The following NOS1 variants were observed in gnomAD, a reference collection of about 807,000 sequenced individuals.
NOS1 encodes the protein NOS type I.
In NOS1, 51 loss-of-function variants were observed where a neutral mutation model predicts 164.5. The observed-to-expected ratio is 0.31, with a 90% CI of 0.25 to 0.39. The LOEUF (loss-of-function observed/expected upper bound fraction) is 0.39, where lower values mean the gene tolerates loss of function less well. NOS1 is among the 10% of genes least tolerant of loss of function. NOS1 has a pLI of 1.00. For synonymous variants in NOS1, 719 were observed against 745.8 expected (o/e 0.96, Z 0.59); for missense variants, 1,362 against 1,885.6 (o/e 0.72, Z 5.14).
chr12:117,277,067 C>T (rs1398636216), intron 9 of NOS1, among the ~76,000 whole-genome samples: 5 of 152,148 alleles, frequency 3.3e-5, no homozygotes, highest in Non-Finnish European at 5.9e-5. Context: ...CCAAACTCTT[C>T]TCCATAGTGG....
chr12:117,226,737 G>A lies in NOS1; in HGVS notation c.3650C>T (p.Ser1217Phe). 6.2e-7 allele frequency: 1 copy of A among 1,613,972 alleles called. No homozygotes were observed. The highest frequency in any genetic ancestry group is 8.5e-7 in the Non-Finnish European group (1 of 1,179,950). ...AGCCTGTATCCGGTTGAGCCAGGAG[G>A]AGCATACGCCGTGGTGAATTGGTCC... Reference protein sequence around the residue: ...GEGPIHHGVCSSWLNRIQADE... With the variant: ...GEGPIHHGVCFSWLNRIQADE... Residue 1217 changes from serine (S) to phenylalanine (F), a missense_variant, in exon 24 of 29, where the codon TCC becomes TTC. Coordinates refer to ENST00000317775, the MANE Select transcript of NOS1 (RefSeq NM_000620.5).
In NOS1 at chr12:117,286,206, A is replaced by G; in HGVS notation, c.1188T>C (p.Thr396=). 7 of 1,614,178 alleles carry G rather than the reference A, an allele frequency of 4.3e-6. No homozygotes were observed. Among genetic ancestry groups the G allele is most frequent in the Non-Finnish European group, 5.9e-6 (7 of 1,180,038 alleles). The change falls in exon 6 of 29, where the codon ACT becomes ACC. Residue 396 remains threonine (T), a synonymous_variant. Transcript: ENST00000317775. Reference sequence around the variant, plus strand: ...CTGTGTCCTTGAGCTGGTAAGTGCTAGTGGTGTCGATCTCTTTGTTCACCT... The same window carrying G: ...CTGTGTCCTTGAGCTGGTAAGTGCTGGTGGTGTCGATCTCTTTGTTCACCT... ...LEEVNKEIDT[T]STYQLKDTEL... is the part of the protein sequence containing the mutation.
chr12:117,209,782 C>A lies in NOS1; in HGVS notation c.*5527G>T. 1.0e-6 allele frequency: 1 copy of A among 985,468 alleles called. No homozygotes were observed. Among genetic ancestry groups the A allele is most frequent in the East Asian group, 1.1e-4 (1 of 8,812 alleles). The allele number at this position is 985,468 out of a possible 1,614,324, so 61.0% of individuals were successfully genotyped here. A position where few individuals can be genotyped will look rare whatever the true frequency, so the allele number is the denominator to read the frequency against. On this transcript the variant is annotated 3_prime_UTR_variant, in exon 29 of 29. Transcript: ENST00000317775. ...AAGGGCAGCTTTTCTTTTGGGGCCC[C>A]TTTGCCACAAGGCAGGGACTGGCAG...
At chr12:117,222,903 G>T (rs1471653412) in intron 25 of NOS1, 40 bp from the exon 26 acceptor site, 1 of 1,600,364 alleles carries the variant, frequency 6.2e-7, no homozygotes, top group Non-Finnish European at 8.5e-7. Flanking sequence ...ATGGCTCTCT[G>T]CCTGATGTGC....
At chr12:117,241,638 T>C (rs1870186632) in intron 20 of NOS1, among the ~76,000 whole-genome samples, 1 of 152,064 alleles carries the variant, frequency 6.6e-6, no homozygotes, top group Admixed American at 6.5e-5. Context: ...GCAAAGACTT[T>C]CATTAGTGCT....
At chr12:117,338,173 C>T (rs1263916621) in intron 1 of NOS1, among the ~76,000 whole-genome samples, 1 of 151,914 alleles carries the variant, frequency 6.6e-6, no homozygotes, top group Non-Finnish European at 1.5e-5. Context: ...GGCGAGATTG[C>T]GCCACTGCAC....
chr12:117,328,701 A>T (rs1875380221), intron 2 of NOS1, among the ~76,000 whole-genome samples: 1 of 152,212 alleles, frequency 6.6e-6, no homozygotes, highest in Non-Finnish European at 1.5e-5. Context: ...AGTAGCTGCG[A>T]CTACAGGCAT....
At chr12:117,231,084 T>A (rs1341354963) in intron 22 of NOS1, among the ~76,000 whole-genome samples, 2 of 152,052 alleles carry the variant, frequency 1.3e-5, no homozygotes, top group African/African-American at 4.8e-5. Flanking sequence ...CCCAGCACTT[T>A]TGGGAGGCCG....
At chr12:117,247,323 T>A (rs146605979) in intron 18 of NOS1, 25 bp downstream of exon 18, 44 of 1,559,176 alleles carry the variant, frequency 2.8e-5, no homozygotes, top group Middle Eastern at 1.7e-4. Context: ...TACTTTTTCC[T>A]GTAGGTCCAT....
rs772161784 is a variant in NOS1, at chr12:117,208,434, C to G, written c.*6875G>C. ...TGTGTGTGTGTGTGGTGAGATGCGA[C>G]CAGGTCTGCCCACCTCCCCAGCTTC... is the stretch of plus-strand genomic sequence containing the variant. On this transcript the variant is annotated 3_prime_UTR_variant, in exon 29 of 29. Transcript: ENST00000317775. 805 of 990,358 alleles carry G rather than the reference C, an allele frequency of 8.1e-4. 1 individual carries two copies. The highest frequency in any genetic ancestry group is 6.1e-4 in the Non-Finnish European group (504 of 826,408). The allele number at this position is 990,358 out of a possible 1,614,324, so 61.3% of individuals were successfully genotyped here. A position where few individuals can be genotyped will look rare whatever the true frequency, so the allele number is the denominator to read the frequency against.
rs200052895 is a variant in NOS1, at chr12:117,353,283, TTATC to T, written c.-421+8225_-421+8228del. ...ACCTACCTATTCTATCCTCTAGCTA[TTATC>T]TATCTATCTGTCTATCTATCATCTA... On this transcript the variant is annotated intron_variant, in intron 1 of 28. Transcript: ENST00000317775. Among the ~76,000 whole-genome samples, 646 of 152,148 alleles carry T rather than the reference TTATC, an allele frequency of 4.2e-3. 3 individuals carry two copies. The highest frequency in any genetic ancestry group is 9.0e-3 in the African/African-American group (374 of 41,432).
intron 2 of NOS1, among the ~76,000 whole-genome samples, chr12:117,328,389 G>A (rs953136272): frequency 2.6e-5 from 4 of 152,032 alleles, no homozygotes; most frequent in South Asian, 2.1e-4. Flanking sequence ...GGTTGGTTTC[G>A]AACTCCTGAC....
intron 3 of NOS1, among the ~76,000 whole-genome samples, chr12:117,311,026 A>G (rs968214109): frequency 1.3e-5 from 2 of 151,928 alleles, no homozygotes; most frequent in African/African-American, 4.8e-5. Flanking sequence ...CCACCATGCC[A>G]GGCTAATTTT....
At chr12:117,232,243 C>T in intron 21 of NOS1, 112 bp from the exon 22 acceptor site, 1 of 893,496 alleles carries the variant, frequency 1.1e-6, no homozygotes, top group South Asian at 1.7e-5. Flanking sequence ...AGGGTGGCTC[C>T]AGAGCCAAGC....
chr12:117,337,826 C>T (rs1875910961), intron 1 of NOS1, among the ~76,000 whole-genome samples: 2 of 152,144 alleles, frequency 1.3e-5, no homozygotes, highest in Admixed American at 6.6e-5. Context: ...GGGCTGTCAT[C>T]CCAGCACATT....
In NOS1 at chr12:117,215,289, G is replaced by A. The variant is rs747158838; in HGVS notation, c.*20C>T. 1.1e-5 allele frequency: 17 copies of A among 1,548,490 alleles called. No homozygotes were observed. The highest frequency in any genetic ancestry group is 7.0e-5 in the East Asian group (3 of 42,572). On this transcript the variant is annotated 3_prime_UTR_variant, in exon 29 of 29. Coordinates refer to ENST00000317775, the MANE Select transcript of NOS1 (RefSeq NM_000620.5). ...GTCCGCGCTTACAAAACTTGCAGCC[G>A]GCTGGGCAAGAGGGTCCAGTTAGGA... is the stretch of plus-strand genomic sequence containing the variant.
intron 23 of NOS1, 29 bp from the exon 24 acceptor site, chr12:117,226,799 C>T (rs1308651751): frequency 6.3e-7 from 1 of 1,581,532 alleles, no homozygotes; most frequent in Non-Finnish European, 8.7e-7. Context: ...CAGTCAGGGC[C>T]ACCCACTGCT....
At position 117,348,902 on chromosome 12, in the gene NOS1, T is replaced by G. The variant is rs144186613; in HGVS notation, c.-421+12610A>C. Among the ~76,000 whole-genome samples, 15 of 152,326 alleles carry G rather than the reference T, an allele frequency of 9.8e-5. No homozygotes were observed. The East Asian group carries it at 2.9e-3, about 29-fold the overall frequency. ...AACAGCACAGTAGCGGAGAAAGTGG[T>G]GCAATTCGAATAGGGTCTGTCGTTT... On this transcript the variant is annotated intron_variant, in intron 1 of 28. Transcript: ENST00000317775.
intron 26 of NOS1, 61 bp downstream of exon 26, chr12:117,222,654 T>C: frequency 6.7e-7 from 1 of 1,502,978 alleles, no homozygotes; most frequent in Non-Finnish European, 9.2e-7. Context: ...TTTCTGAGAG[T>C]AGGATGTCCA....
Sources: allele counts gnomAD v4.1 joint callset (sites outside exome capture counted in the v4.1 genomes callset), GRCh38; gene constraint gnomAD v4.1.1; transcripts MANE v1.5; gene names NCBI Gene and HGNC (gene_info 2026-07-23, HGNC 2026-07-21).